HOMER2: variants seen among roughly 807,000 people sequenced by gnomAD.
HOMER2 encodes homer protein homolog 2.
Under a neutral mutation model 47.0 loss-of-function variants are expected in HOMER2, and 27 were observed. The ratio of observed to expected loss-of-function variants is 0.57; its 90% CI spans 0.42 to 0.79. The LOEUF (loss-of-function observed/expected upper bound fraction) is 0.79. Ranked by LOEUF, HOMER2 falls within the 30% of genes least tolerant of loss-of-function variation. The pLI, the probability that HOMER2 is intolerant of heterozygous loss-of-function variation, is 0.00. For synonymous variants in HOMER2, 161 were observed against 163.8 expected, an observed-to-expected ratio of 0.98 and a Z score of 0.13; for missense variants, 443 against 435.0, an observed-to-expected ratio of 1.02 and a Z score of -0.16.
At chr15:82,926,071 G>A (rs1182754216) in intron 1 of HOMER2, 1 of 152,226 alleles carries the variant, frequency 6.6e-6, no homozygotes, top group African/African-American at 2.4e-5. Context: ...TTACCAGTAA[G>A]TCCAACCCAT....
intron 1 of HOMER2, among the ~76,000 whole-genome samples, chr15:82,896,718 AC>A (rs2052932183): frequency 7.9e-6 from 1 of 126,614 alleles, no homozygotes; most frequent in South Asian, 2.8e-4. Context: ...CCCTGGGCAA[AC>A]AGGGGAGGAT....
chr15:82,835,669 C>G (rs1392896814), downstream of HOMER2: 1 of 152,408 alleles, frequency 6.6e-6, no homozygotes, highest in Admixed American at 6.5e-5. Context: ...GCCTGATGGG[C>G]CAAGCCCTGA....
chr15:82,856,681 G>A (rs542765101), intron 5 of HOMER2, among the ~76,000 whole-genome samples: 1 of 152,198 alleles, frequency 6.6e-6, no homozygotes, highest in Non-Finnish European at 1.5e-5. Flanking sequence ...AAAAGAGACT[G>A]GTCACAGTTC....
At chr15:82,929,864 G>C (rs1171977529) in intron 1 of HOMER2, among the ~76,000 whole-genome samples, 1 of 151,722 alleles carries the variant, frequency 6.6e-6, no homozygotes, top group Admixed American at 6.6e-5. Flanking sequence ...CCGAGTAGCT[G>C]GGATTACAGG....
At chr15:82,984,178 G>A (rs1432987488) in intron 1 of HOMER2, among the ~76,000 whole-genome samples, 11 of 151,798 alleles carry the variant, frequency 7.2e-5, no homozygotes, top group Admixed American at 5.9e-4. Context: ...GACTACAGGC[G>A]CCGGCCACCA....
intron 3 of HOMER2, among the ~76,000 whole-genome samples, chr15:82,868,541 A>ATATATATATATATATATTTT: frequency 5.6e-5 from 4 of 71,290 alleles, no homozygotes; most frequent in Non-Finnish European, 5.6e-5. Flanking sequence ...ATATATATAT[A>ATATATATATATATATATTTT]TTTTTTTTTT....
rs2051316864 is a variant in HOMER2 at position 82,849,468 on chromosome 15, T to G, written c.*247A>C. The G allele has an allele frequency of 1.9e-6, 1 of 532,882 alleles. No individual in the cohort carries two copies. Among genetic ancestry groups the G allele is most frequent in the South Asian group, 2.8e-5 (1 of 36,238 alleles). 33.0% of individuals were successfully genotyped at this position (532,882 alleles called of 1,614,324 possible). A position where few individuals can be genotyped will look rare whatever the true frequency, so the allele number is the denominator to read the frequency against. On this transcript the variant is annotated 3_prime_UTR_variant, in exon 9 of 9. Coordinates refer to ENST00000450735, the MANE Select transcript of HOMER2 (RefSeq NM_004839.4). ...CATCCCTGCCCTGACTGCATAAATG[T>G]TGAAGGTAGACCTAGTTCTGGATTC...
intron 1 of HOMER2, among the ~76,000 whole-genome samples, chr15:82,945,902 G>A (rs955962855): frequency 6.6e-6 from 1 of 151,996 alleles, no homozygotes; most frequent in African/African-American, 2.4e-5. Context: ...CCCAAGAGGC[G>A]GAGGTTGCAG....
intron 4 of HOMER2, among the ~76,000 whole-genome samples, chr15:82,863,718 C>T (rs2051869351): frequency 2.6e-5 from 4 of 152,296 alleles, no homozygotes; most frequent in South Asian, 2.1e-4. Context: ...CTGGCCAAGC[C>T]GGATCTCCTC....
intron 1 of HOMER2, among the ~76,000 whole-genome samples, chr15:82,944,591 G>A (rs565743843): frequency 7.9e-5 from 12 of 152,252 alleles, no homozygotes; most frequent in East Asian, 5.8e-4. Flanking sequence ...TGCTGTTCAC[G>A]TTTGACAAAG....
At chr15:82,901,796 T>A (rs1454420869) in intron 1 of HOMER2, among the ~76,000 whole-genome samples, 1 of 152,170 alleles carries the variant, frequency 6.6e-6, no homozygotes, top group Non-Finnish European at 1.5e-5. Context: ...AACATACATG[T>A]AGGAAAAACA....
At chr15:82,878,488 G>T (rs2052422381) in intron 2 of HOMER2, among the ~76,000 whole-genome samples, 2 of 152,194 alleles carry the variant, frequency 1.3e-5, no homozygotes, top group Non-Finnish European at 2.9e-5. Context: ...GTCTATTTAC[G>T]ATGGCTGGAG....
chr15:82,940,273 A>G (rs1026033923), intron 1 of HOMER2, among the ~76,000 whole-genome samples: 1 of 152,208 alleles, frequency 6.6e-6, no homozygotes, highest in African/African-American at 2.4e-5. Flanking sequence ...GAGATATTGC[A>G]TAGACAGCAC....
intron 1 of HOMER2, among the ~76,000 whole-genome samples, chr15:82,944,807 T>C (rs1240096189): frequency 1.3e-5 from 2 of 152,058 alleles, no homozygotes; most frequent in Non-Finnish European, 2.9e-5. Context: ...CTTCCTTTTG[T>C]ATACATCCCT....
intron 1 of HOMER2, among the ~76,000 whole-genome samples, chr15:82,950,951 G>C (rs1301740744): frequency 6.6e-6 from 1 of 151,970 alleles, no homozygotes; most frequent in Non-Finnish European, 1.5e-5. Flanking sequence ...GGGGAGGGAG[G>C]GCCAGAAAGA....
At chr15:82,864,060 A>G in intron 4 of HOMER2, 107 bp downstream of exon 4, 1 of 659,546 alleles carries the variant, frequency 1.5e-6, no homozygotes, top group Non-Finnish European at 2.6e-6. Flanking sequence ...AAAAGCCTTC[A>G]AAATGACCTA....
At chr15:82,869,448 A>ACCTT (rs2052104572) in intron 3 of HOMER2, among the ~76,000 whole-genome samples, 1 of 86,516 alleles carries the variant, frequency 1.2e-5, no homozygotes, top group African/African-American at 5.3e-5. Flanking sequence ...TCTACTAAAC[A>ACCTT]TCTTTTTTTT....
At chr15:82,937,431 G>A (rs543664984) in intron 1 of HOMER2, among the ~76,000 whole-genome samples, 9 of 152,278 alleles carry the variant, frequency 5.9e-5, no homozygotes, top group Admixed American at 2.0e-4. Context: ...TGAGTTCCAT[G>A]AGACACACGT....
chr15:82,952,797 C>T (rs2054539277), upstream of HOMER2: 1 of 786,064 alleles, frequency 1.3e-6, no homozygotes, highest in Non-Finnish European at 1.5e-6. Flanking sequence ...CGCCCGGCTC[C>T]TTACGTAACC....
Sources: allele counts gnomAD v4.1 joint callset (sites outside exome capture counted in the v4.1 genomes callset), GRCh38; gene constraint gnomAD v4.1.1; transcripts MANE v1.5; gene names NCBI Gene and HGNC (gene_info 2026-07-23, HGNC 2026-07-21).